The following NMNAT1 variants were observed in gnomAD, a reference collection of about 807,000 sequenced individuals.
NMNAT1 encodes the protein nicotinamide nucleotide adenylyltransferase 1, also known as nicotinamide/nicotinic acid mononucleotide adenylyltransferase 1.
In NMNAT1, 11 loss-of-function variants were observed where a neutral mutation model predicts 16.7. That is an observed-to-expected ratio of 0.66 (90% CI 0.41 to 1.09). The LOEUF is 1.09. NMNAT1 is among the 50% of genes least tolerant of loss of function. The probability of loss-of-function intolerance (pLI) is 0.00; values close to 1 mark genes in which losing one functional copy is unlikely to be tolerated. For synonymous variants in NMNAT1, 110 were observed against 119.8 expected (o/e 0.92, Z 0.53); for missense variants, 280 against 332.3 (o/e 0.84, Z 1.22).
rs754201922 is a variant in NMNAT1, at chr1:9,984,770, C to T, written c.*2069C>T. On this transcript the variant is annotated 3_prime_UTR_variant, in exon 5 of 5. Coordinates refer to ENST00000377205, the MANE Select transcript of NMNAT1 (RefSeq NM_022787.4). ...ACCTGCAGTAAAAGTCCTTGATTGG[C>T]ATCTTCATTCGGATGATGGAGAGCC... 6.6e-6 allele frequency: 1 copy of T among 152,176 alleles called. No individual in the cohort carries two copies. The highest frequency in any genetic ancestry group is 2.4e-5 in the African/African-American group (1 of 41,448). The allele number at this position is 152,176 out of a possible 1,614,324, so 9.4% of individuals were successfully genotyped here. A position where few individuals can be genotyped will look rare whatever the true frequency, so the allele number is the denominator to read the frequency against.
chr1:9,951,810 G>A (rs1345969744), intron 1 of NMNAT1, among the ~76,000 whole-genome samples: 2 of 152,010 alleles, frequency 1.3e-5, no homozygotes, highest in Admixed American at 6.6e-5. Flanking sequence ...ACTACTTTTC[G>A]AAGCTCTAGT....
intron 1 of NMNAT1, among the ~76,000 whole-genome samples, chr1:9,971,790 C>A (rs1040521574): frequency 2.0e-5 from 3 of 151,904 alleles, no homozygotes; most frequent in African/African-American, 7.2e-5. Context: ...TAGCAAGACC[C>A]CCATCTCTAC....
At chr1:9,967,999 T>C (rs1319599874) in intron 1 of NMNAT1, among the ~76,000 whole-genome samples, 1 of 151,658 alleles carries the variant, frequency 6.6e-6, no homozygotes, top group Admixed American at 6.6e-5. Flanking sequence ...CAAAAGACAA[T>C]TCTAGTAACA....
intron 1 of NMNAT1, among the ~76,000 whole-genome samples, chr1:9,966,292 C>T (rs757489633): frequency 2.6e-4 from 39 of 150,450 alleles, no homozygotes; most frequent in Non-Finnish European, 2.4e-4. Flanking sequence ...GAGGGAGACT[C>T]CATCTCAAAA....
chr1:9,978,521 T>G (rs1327043875), intron 3 of NMNAT1, among the ~76,000 whole-genome samples: 2 of 152,206 alleles, frequency 1.3e-5, no homozygotes, highest in Non-Finnish European at 2.9e-5. Context: ...GATTGGGCAC[T>G]GAGTCAGTAG....
intron 1 of NMNAT1, among the ~76,000 whole-genome samples, chr1:9,963,649 C>T (rs953010517): frequency 8.5e-5 from 13 of 152,058 alleles, no homozygotes; most frequent in African/African-American, 2.7e-4. Flanking sequence ...CCTCGTGATC[C>T]GCCCACCTCA....
chr1:9,944,477 G>C (rs1347222829), intron 1 of NMNAT1, among the ~76,000 whole-genome samples: 2 of 152,148 alleles, frequency 1.3e-5, no homozygotes, highest in African/African-American at 4.8e-5. Flanking sequence ...AACAACATCA[G>C]TGTTCATGGT....
At chr1:9,951,757 G>A (rs542741084) in intron 1 of NMNAT1, among the ~76,000 whole-genome samples, 1 of 152,332 alleles carries the variant, frequency 6.6e-6, no homozygotes, top group East Asian at 1.9e-4. Flanking sequence ...TTAGAGGCGT[G>A]AGCCACTGTG....
chr1:9,993,904 C>T, the NMNAT1 span, among the ~76,000 whole-genome samples: 3 of 152,114 alleles, frequency 2.0e-5, no homozygotes, highest in South Asian at 2.1e-4. Flanking sequence ...AAGTAGGAGG[C>T]GAGAGGTGGC....
chr1:9,959,541 C>T (rs570181209), intron 1 of NMNAT1, among the ~76,000 whole-genome samples: 72 of 140,842 alleles, frequency 5.1e-4, no homozygotes, highest in Middle Eastern at 9.5e-3. Flanking sequence ...ATTAGCTGGG[C>T]GTGGTGGCAT....
rs374631585 is a variant in NMNAT1, at chr1:9,957,354, G to A, written c.-57+13839G>A. On this transcript the variant is annotated intron_variant, in intron 1 of 4. Coordinates refer to ENST00000377205, the MANE Select transcript of NMNAT1 (RefSeq NM_022787.4). ...TTGTTTACCATTTTTTTTTTGAGAC[G>A]CAGTCTCACTCTGTTTCTTGCAGTG... Among the ~76,000 whole-genome samples the A allele has an allele frequency of 5.3e-5, 8 of 149,892 alleles. No homozygotes were observed. In the East Asian group the frequency reaches 1.2e-3, roughly 22 times the overall value.
At chr1:9,976,225 T>C (rs1262157092) in intron 3 of NMNAT1, among the ~76,000 whole-genome samples, 6 of 147,730 alleles carry the variant, frequency 4.1e-5, no homozygotes, top group Non-Finnish European at 8.9e-5. Context: ...GGATGGAGGT[T>C]ACAGTGAGCC....
At chr1:9,954,898 T>G (rs1641216065) in intron 1 of NMNAT1, among the ~76,000 whole-genome samples, 1 of 148,130 alleles carries the variant, frequency 6.8e-6, no homozygotes, top group African/African-American at 2.5e-5. Flanking sequence ...ACCACTGCAC[T>G]CCAGCCTGGC....
intron 2 of NMNAT1, among the ~76,000 whole-genome samples, chr1:9,973,049 G>T (rs182432712): frequency 1.3e-4 from 20 of 152,316 alleles, no homozygotes; most frequent in South Asian, 1.0e-3. Context: ...AAAAGCGAAA[G>T]CTTGTACTTT....
intron 1 of NMNAT1, among the ~76,000 whole-genome samples, chr1:9,946,467 T>TG (rs1243633801): frequency 1.3e-5 from 2 of 152,120 alleles, no homozygotes; most frequent in Admixed American, 1.3e-4. Flanking sequence ...GGTCTTGGGA[T>TG]GGGAGCCCAG....
chr1:9,950,371 A>G (rs1641079232), intron 1 of NMNAT1, among the ~76,000 whole-genome samples: 1 of 152,194 alleles, frequency 6.6e-6, no homozygotes, highest in African/African-American at 2.4e-5. Flanking sequence ...GATTATAGGC[A>G]TGAACCACCA....
intron 1 of NMNAT1, among the ~76,000 whole-genome samples, chr1:9,963,583 T>C (rs1353474555): frequency 6.6e-6 from 1 of 151,976 alleles, no homozygotes; most frequent in African/African-American, 2.4e-5. Context: ...CGAATTTTTG[T>C]ATTTTTTAGT....
the NMNAT1 span, among the ~76,000 whole-genome samples, chr1:9,995,768 C>T: frequency 6.6e-6 from 1 of 152,160 alleles, no homozygotes; most frequent in Non-Finnish European, 1.5e-5. Context: ...GTGGCTCACA[C>T]CTATAATCCC....
At chr1:9,949,127 G>A (rs1235759866) in intron 1 of NMNAT1, among the ~76,000 whole-genome samples, 6 of 151,232 alleles carry the variant, frequency 4.0e-5, no homozygotes, top group Non-Finnish European at 7.4e-5. Flanking sequence ...AAAATTAGCC[G>A]GGCATGGTGG....
Sources: allele counts gnomAD v4.1 joint callset (sites outside exome capture counted in the v4.1 genomes callset), GRCh38; gene constraint gnomAD v4.1.1; transcripts MANE v1.5; gene names NCBI Gene and HGNC (gene_info 2026-07-23, HGNC 2026-07-21).